Variants in B4GALT5 observed in about 807,000 individuals in gnomAD.
B4GALT5 encodes the protein UDP-Gal:beta-GlcNAc beta-1,4-galactosyltransferase 5.
Under a neutral mutation model 45.0 loss-of-function variants are expected in B4GALT5, and 11 were observed. The observed-to-expected ratio is 0.24, with a 90% CI of 0.15 to 0.40. The LOEUF (loss-of-function observed/expected upper bound fraction) is 0.40, where lower values mean the gene tolerates loss of function less well. Ranked by LOEUF, B4GALT5 falls within the 10% of genes least tolerant of loss-of-function variation. The pLI, the probability that B4GALT5 is intolerant of heterozygous loss-of-function variation, is 1.00. For missense variants in B4GALT5, 337 were observed against 500.2 expected, an observed-to-expected ratio of 0.67 and a Z score of 3.11; for synonymous variants, 185 against 182.9, an observed-to-expected ratio of 1.01 and a Z score of -0.09.
chr20:49,696,553 GA>G (rs1437931700), intron 1 of B4GALT5, among the ~76,000 whole-genome samples: 2 of 152,152 alleles, frequency 1.3e-5, no homozygotes, highest in Non-Finnish European at 2.9e-5. Context: ...AACTGGCCAG[GA>G]AAAGATCTTA....
chr20:49,713,549 C>A, intron 1 of B4GALT5, 27 bp downstream of exon 1: 1 of 1,547,884 alleles, frequency 6.5e-7, no homozygotes, highest in Non-Finnish European at 8.7e-7. Context: ...GAGCGGCAGC[C>A]GCCGCGGTCC....
At position 49,646,979 on chromosome 20, in the gene B4GALT5, CT is replaced by C. The variant is rs762475081; in HGVS notation, c.349del (p.Arg117AspfsTer5). On this transcript the variant is annotated frameshift_variant, in exon 3 of 9. Coordinates refer to ENST00000371711, the MANE Select transcript of B4GALT5 (RefSeq NM_004776.4). LOFTEE classifies it high-confidence loss of function. ...TYFANHTCPE[R>X]LPSMKGPIDI... ...GCTGTACTCACTCATGGAAGGGAGT[CT>C]TTCAGGGCAGGTATGGTTTGCAAAG... 1 of 1,612,344 alleles carries C rather than the reference CT, an allele frequency of 6.2e-7. No individual in the cohort carries two copies. Among genetic ancestry groups the C allele is most frequent in the Non-Finnish European group, 8.5e-7 (1 of 1,178,542 alleles).
At chr20:49,647,119 G>C (rs1432879398) in intron 2 of B4GALT5, 41 bp from the exon 3 acceptor site, 40 of 1,227,388 alleles carry the variant, frequency 3.3e-5, no homozygotes, top group Non-Finnish European at 4.7e-5. Flanking sequence ...ACTGGTATGT[G>C]TGATCAACCG....
chr20:49,671,937 C>A (rs1294991955), intron 1 of B4GALT5, among the ~76,000 whole-genome samples: 3 of 151,916 alleles, frequency 2.0e-5, no homozygotes, highest in African/African-American at 7.3e-5. Flanking sequence ...TAAGAGATTC[C>A]TCCCCTCTTC....
Position 49,637,493 on chromosome 20 carries a change from G to A in B4GALT5, c.918-51C>T, listed in dbSNP as rs1396150284. 2.9e-6 allele frequency: 4 copies of A among 1,374,220 alleles called. No individual in the cohort carries two copies. In the Admixed American group the frequency reaches 6.7e-5, roughly 23 times the overall value. The allele number at this position is 1,374,220 out of a possible 1,614,324, so 85.1% of individuals were successfully genotyped here. A position where few individuals can be genotyped will look rare whatever the true frequency, so the allele number is the denominator to read the frequency against. On this transcript the variant is annotated intron_variant, in intron 7 of 8. Coordinates refer to ENST00000371711, the MANE Select transcript of B4GALT5 (RefSeq NM_004776.4). Reference sequence around the variant, plus strand: ...TTTAGATACAACGGTAATAGCCCAGGAGTGACCAAAGCCTACAAGACATGT... The same window carrying A: ...TTTAGATACAACGGTAATAGCCCAGAAGTGACCAAAGCCTACAAGACATGT...
At chr20:49,684,489 G>A (rs1259150068) in intron 1 of B4GALT5, 5 of 494,560 alleles carry the variant, frequency 1.0e-5, no homozygotes, top group African/African-American at 7.9e-5. Context: ...TGTGAACCCA[G>A]GAGGCAGAGC....
intron 1 of B4GALT5, among the ~76,000 whole-genome samples, chr20:49,699,822 G>A (rs980385826): frequency 1.3e-5 from 2 of 152,116 alleles, no homozygotes; most frequent in Non-Finnish European, 2.9e-5. Flanking sequence ...CCCTGACAAC[G>A]TAAATTGACA....
intron 1 of B4GALT5, chr20:49,684,681 C>A: frequency 3.9e-6 from 2 of 516,924 alleles, no homozygotes; most frequent in Non-Finnish European, 7.7e-6. Context: ...TCAAGGCATA[C>A]CTGCAGACTT....
intron 1 of B4GALT5, among the ~76,000 whole-genome samples, chr20:49,657,922 T>TGG (rs2085649933): frequency 6.6e-6 from 1 of 152,152 alleles, no homozygotes; most frequent in African/African-American, 2.4e-5. Flanking sequence ...AGAGGTGGGG[T>TGG]GGGTTAGCAT....
chr20:49,693,921 A>T (rs1417068656), intron 1 of B4GALT5, among the ~76,000 whole-genome samples: 1 of 152,244 alleles, frequency 6.6e-6, no homozygotes, highest in Non-Finnish European at 1.5e-5. Context: ...CAGTTAATGA[A>T]GGGAACAAAG....
chr20:49,674,690 A>T (rs1250144458), intron 1 of B4GALT5, among the ~76,000 whole-genome samples: 6 of 138,564 alleles, frequency 4.3e-5, no homozygotes, highest in East Asian at 2.0e-4. Flanking sequence ...CATCCCTATT[A>T]AAAAAAAAAA....
chr20:49,655,374 T>A lies in B4GALT5; in HGVS notation c.250+1194A>T, dbSNP rs564307838. On this transcript the variant is annotated intron_variant, in intron 2 of 8. Coordinates refer to ENST00000371711, the MANE Select transcript of B4GALT5 (RefSeq NM_004776.4). ...TGAACCCGGGAGGTGGAGGTTACAG[T>A]GAGCCGAGATTAACACCACTGCACT... Among the ~76,000 whole-genome samples the A allele has an allele frequency of 8.0e-5, 12 of 150,302 alleles. No individual in the cohort carries two copies. The East Asian group carries it at 2.4e-3, about 30-fold the overall frequency.
At chr20:49,712,816 T>C (rs1234291377) in intron 1 of B4GALT5, among the ~76,000 whole-genome samples, 1 of 56,138 alleles carries the variant, frequency 1.8e-5, no homozygotes, top group Admixed American at 2.5e-4. Context: ...GACAAGGATG[T>C]GCCCTTGTGG....
intron 1 of B4GALT5, among the ~76,000 whole-genome samples, chr20:49,698,677 G>A (rs931117034): frequency 2.0e-5 from 3 of 152,070 alleles, no homozygotes; most frequent in Non-Finnish European, 2.9e-5. Flanking sequence ...ACAACTGGAC[G>A]CACATCACAC....
chr20:49,706,385 T>C, intron 1 of B4GALT5, among the ~76,000 whole-genome samples: 1 of 152,180 alleles, frequency 6.6e-6, no homozygotes, highest in Non-Finnish European at 1.5e-5. Context: ...CCACATTGTA[T>C]GTGCTTCAGG....
intron 1 of B4GALT5, among the ~76,000 whole-genome samples, chr20:49,679,583 G>C (rs1329711974): frequency 1.3e-5 from 2 of 151,924 alleles, no homozygotes; most frequent in Non-Finnish European, 2.9e-5. Context: ...GGCTGAGGCA[G>C]GAGAATCACT....
intron 2 of B4GALT5, among the ~76,000 whole-genome samples, chr20:49,651,926 A>C (rs1418046604): frequency 6.6e-6 from 1 of 151,496 alleles, no homozygotes; most frequent in East Asian, 2.0e-4. Flanking sequence ...TAAAAATACA[A>C]AAATTAGCCG....
chr20:49,673,206 C>T (rs1346416554), intron 1 of B4GALT5, among the ~76,000 whole-genome samples: 2 of 152,022 alleles, frequency 1.3e-5, no homozygotes, highest in African/African-American at 4.8e-5. Context: ...ATGGTGAAAC[C>T]CCATCTCTAC....
At chr20:49,669,052 A>T (rs2085704604) in intron 1 of B4GALT5, among the ~76,000 whole-genome samples, 1 of 151,256 alleles carries the variant, frequency 6.6e-6, no homozygotes, top group Non-Finnish European at 1.5e-5. Flanking sequence ...GTAGAGGTAG[A>T]ATCTCACTTT....
Sources: gnomAD v4.1 joint callset for allele counts (sites outside exome capture counted in the v4.1 genomes callset) on GRCh38, gnomAD v4.1.1 for gene constraint, MANE v1.5 for transcripts, NCBI Gene and HGNC (gene_info 2026-07-23, HGNC 2026-07-21) for gene names.